The following TCTN3 variants were observed in gnomAD, a reference collection of about 807,000 sequenced individuals.
TCTN3 encodes tectonic-3.
A neutral mutation model predicts 71.3 loss-of-function variants in TCTN3; 57 were observed. The ratio of observed to expected loss-of-function variants is 0.80; its 90% confidence interval spans 0.65 to 1.00. TCTN3 has a LOEUF of 1.00. Ranked by LOEUF, TCTN3 falls within the 50% of genes least tolerant of loss-of-function variation. The pLI is 0.00. For missense variants in TCTN3, 696 were observed against 719.9 expected, an observed-to-expected ratio of 0.97 and a Z score of 0.38; for synonymous variants, 258 against 267.8, an observed-to-expected ratio of 0.96 and a Z score of 0.36.
chr10:95,674,692 GTA>G (rs1208781900), intron 13 of TCTN3, among the ~76,000 whole-genome samples: 1 of 152,060 alleles, frequency 6.6e-6, no homozygotes, highest in East Asian at 1.9e-4. Flanking sequence ...AACTGTATCT[GTA>G]TGTTATATCT....
In TCTN3 at chr10:95,683,643, G is replaced by T. The variant is rs41291568; in HGVS notation, c.1096-14C>A. The T allele has an allele frequency of 3.6e-4, 579 of 1,598,544 alleles. No homozygotes were observed. The highest frequency in any genetic ancestry group is 4.1e-4 in the Non-Finnish European group (481 of 1,170,668). ...CTGTTGAAAAGCCTGCAGAAAGAGG[G>T]AAGAGAAGTCAATTATGGAGATAAG... is the stretch of plus-strand genomic sequence containing the variant. On this transcript the variant is annotated splice_polypyrimidine_tract_variant and intron_variant, in intron 9 of 13. Transcript: ENST00000371217.
At position 95,683,412 on chromosome 10, in the gene TCTN3, T is replaced by C. The variant is rs752055887; in HGVS notation, c.1203+110A>G. On this transcript the variant is annotated intron_variant, in intron 10 of 13. Coordinates refer to ENST00000371217, the MANE Select transcript of TCTN3 (RefSeq NM_015631.6). The stretch of plus-strand genomic sequence containing the variant: ...CATATATTAGTATATAAGTACCTCA[T>C]TATAATGAACAAAAAATTCCTCACC... The C allele has an allele frequency of 3.2e-6, 5 of 1,576,602 alleles. No homozygotes were observed. In the East Asian group the frequency reaches 7.0e-5, roughly 22 times the overall value.
At chr10:95,670,061 C>CAAAAAAAAAA (rs34609339) in intron 13 of TCTN3, among the ~76,000 whole-genome samples, 138 of 81,032 alleles carry the variant, frequency 1.7e-3, no homozygotes, top group South Asian at 2.0e-3. Flanking sequence ...GACTCCGTCT[C>CAAAAAAAAAA]AAAAAAAAAA....
At chr10:95,673,379 A>AT (rs1589605829) in intron 13 of TCTN3, among the ~76,000 whole-genome samples, 1 of 152,058 alleles carries the variant, frequency 6.6e-6, no homozygotes, top group Non-Finnish European at 1.5e-5. Flanking sequence ...GTTAGAGTTC[A>AT]TTTTTCCCCC....
rs3818833 is a variant in TCTN3 at position 95,682,551 on chromosome 10, T to C, written c.1452+100A>G. The C allele has an allele frequency of 0.067, 90,701 of 1,352,124 alleles. 3,300 individuals are homozygous for C. The highest frequency in any genetic ancestry group is 0.096 in the African/African-American group (6,559 of 68,114). The allele number at this position is 1,352,124 out of a possible 1,614,324, so 83.8% of individuals were successfully genotyped here. A position where few individuals can be genotyped will look rare whatever the true frequency, so the allele number is the denominator to read the frequency against. On this transcript the variant is annotated intron_variant, in intron 12 of 13. Coordinates refer to ENST00000371217, the MANE Select transcript of TCTN3 (RefSeq NM_015631.6). ...CTTATACTCTTCCTTCTATGACAAA[T>C]GCATTATCTATGGAGACAAGGCTGG...
At position 95,664,113 on chromosome 10, in the gene TCTN3, A is replaced by G. The variant is rs745944119; in HGVS notation, c.1778T>C (p.Ile593Thr). 6 of 1,614,120 alleles carry G rather than the reference A, an allele frequency of 3.7e-6. No individual in the cohort carries two copies. The highest frequency in any genetic ancestry group is 1.1e-5 in the South Asian group (1 of 91,074). ...SQKCSVSPIL[I>T]LCLLLLGVLN... Reference sequence around the variant, plus strand: ...AACTCCAAGTAGTAAGAGGCACAGGATAAGGATGGGAGAGACTGAGCATTT... The same window carrying G: ...AACTCCAAGTAGTAAGAGGCACAGGGTAAGGATGGGAGAGACTGAGCATTT... The change falls in exon 14 of 14, where the codon ATC becomes ACC. Residue 593 changes from isoleucine to threonine, a missense_variant. Physicochemically the swap from Ile to Thr is moderately conservative, Grantham distance 89. Transcript: ENST00000371217.
chr10:95,693,627 A>G lies in TCTN3; in HGVS notation c.256+17T>C. 6.5e-7 allele frequency: 1 copy of G among 1,548,722 alleles called. No individual in the cohort carries two copies. The highest frequency in any genetic ancestry group is 2.0e-5 in the Admixed American group (1 of 49,812). ...ATCTCAGAAGTAAGTTTCCACCCCC[A>G]CAACGTTTTCCCTCACCTGGGAAGA... On this transcript the variant is annotated intron_variant, in intron 1 of 13. Transcript: ENST00000371217.
chr10:95,680,529 G>A lies in TCTN3; in HGVS notation c.1533C>T (p.Ser511=). ...QVLWAYVGLL[S]NPQAHVSGVR... The stretch of plus-strand genomic sequence containing the variant: ...CTCCTGATACATGAGCTTGCGGGTT[G>A]GACAGGAGACCTACATATGCCCACA... Residue 511 remains serine (S), a synonymous_variant, in exon 13 of 14, where the codon TCC becomes TCT. Transcript: ENST00000371217. The A allele has an allele frequency of 6.2e-7, 1 of 1,614,112 alleles. No individual in the cohort carries two copies.
chr10:95,671,147 A>G (rs2097930871), intron 13 of TCTN3, among the ~76,000 whole-genome samples: 1 of 152,218 alleles, frequency 6.6e-6, no homozygotes, highest in Non-Finnish European at 1.5e-5. Flanking sequence ...CACTGGGGAA[A>G]AATAACTCTC....
chr10:95,672,082 C>T (rs7920801), intron 13 of TCTN3, among the ~76,000 whole-genome samples: 54,131 of 148,012 alleles, frequency 0.37, 10,286 homozygotes, highest in East Asian at 0.7. Context: ...CCTTCATGTC[C>T]CTTTCCAGTC....
rs996347256 is a variant in TCTN3, at chr10:95,663,955, A to G, written c.*112T>C. ...AAGGATTCCTTCAGTTAGGTCCTCT[A>G]TTATCCTAAATGCTCTCTGGTCATG... On this transcript the variant is annotated 3_prime_UTR_variant, in exon 14 of 14. Transcript: ENST00000371217. 3 of 822,792 alleles carry G rather than the reference A, an allele frequency of 3.6e-6. No individual in the cohort carries two copies. The highest frequency in any genetic ancestry group is 3.4e-5 in the African/African-American group (2 of 58,424). The allele number at this position is 822,792 out of a possible 1,614,324, so 51.0% of individuals were successfully genotyped here. A position where few individuals can be genotyped will look rare whatever the true frequency, so the allele number is the denominator to read the frequency against.
chr10:95,666,653 G>A (rs1029763391), intron 13 of TCTN3, among the ~76,000 whole-genome samples: 1 of 152,200 alleles, frequency 6.6e-6, no homozygotes, highest in Non-Finnish European at 1.5e-5. Context: ...CTGAAATGGT[G>A]AGAAATACTT....
rs1210074038 is a variant in TCTN3 at position 95,685,641 on chromosome 10, C to G, written c.889-5G>C. On this transcript the variant is annotated splice_polypyrimidine_tract_variant and splice_region_variant and intron_variant, in intron 7 of 13. Transcript: ENST00000371217. ...AAGTATTACAGGAACCTGGAACTAGCAACGAAAAGAAGCAAATTAACTAAA... is the reference window on the plus strand; with the variant it reads ...AAGTATTACAGGAACCTGGAACTAGGAACGAAAAGAAGCAAATTAACTAAA... 1 of 1,550,444 alleles carries G rather than the reference C, an allele frequency of 6.4e-7. No homozygotes were observed.
chr10:95,683,948 A>G (rs2097945755), intron 9 of TCTN3, among the ~76,000 whole-genome samples: 1 of 100,078 alleles, frequency 1.0e-5, no homozygotes, highest in African/African-American at 3.4e-5. Flanking sequence ...AAAATCTGAA[A>G]AATTTAAATG....
chr10:95,690,894 C>T (rs1178421081), intron 3 of TCTN3, among the ~76,000 whole-genome samples: 1 of 152,006 alleles, frequency 6.6e-6, no homozygotes, highest in Non-Finnish European at 1.5e-5. Flanking sequence ...AAATTTTTGC[C>T]TTTTTCATAC....
intron 13 of TCTN3, among the ~76,000 whole-genome samples, chr10:95,666,017 TGCAA>T (rs750330315): frequency 6.6e-5 from 10 of 151,708 alleles, no homozygotes; most frequent in Non-Finnish European, 1.3e-4. Context: ...CTCGGCTCAC[TGCAA>T]GCTCTGCCTC....
At chr10:95,666,019 C>T (rs2097925296) in intron 13 of TCTN3, among the ~76,000 whole-genome samples, 1 of 151,540 alleles carries the variant, frequency 6.6e-6, no homozygotes. Flanking sequence ...CGGCTCACTG[C>T]AAGCTCTGCC....
At chr10:95,683,923 T>C (rs1443160062) in intron 9 of TCTN3, among the ~76,000 whole-genome samples, 3 of 151,494 alleles carry the variant, frequency 2.0e-5, no homozygotes, top group African/African-American at 4.9e-5. Flanking sequence ...TTAGCAATAA[T>C]AACACAGCCT....
chr10:95,676,845 CTG>C (rs1354363908), intron 13 of TCTN3, among the ~76,000 whole-genome samples: 6 of 152,248 alleles, frequency 3.9e-5, no homozygotes, highest in Admixed American at 3.9e-4. Context: ...GTACCAGGAA[CTG>C]TGCTGTTTTA....
Sources: gnomAD v4.1 joint callset for allele counts (sites outside exome capture counted in the v4.1 genomes callset) on GRCh38, gnomAD v4.1.1 for gene constraint, MANE v1.5 for transcripts, NCBI Gene and HGNC (gene_info 2026-07-23, HGNC 2026-07-21) for gene names.